ENTREP2: variants seen among roughly 807,000 people sequenced by gnomAD.
ENTREP2 encodes endosomal transmembrane epsin interactor 2.
At chr15:29,165,503 A>C in the ENTREP2 span, among the ~76,000 whole-genome samples, 1 of 152,208 alleles carries the variant, frequency 6.6e-6, no homozygotes, top group African/African-American at 2.4e-5. Context: ...GAGATATTAC[A>C]GTTGACACCA....
chr15:29,379,544 C>A, the ENTREP2 span, among the ~76,000 whole-genome samples: 2 of 152,218 alleles, frequency 1.3e-5, no homozygotes, highest in East Asian at 3.9e-4. Context: ...CCTGCTCCAA[C>A]TATGCGGCAG....
At chr15:29,520,151 C>T in the ENTREP2 span, among the ~76,000 whole-genome samples, 2 of 152,158 alleles carry the variant, frequency 1.3e-5, no homozygotes, top group Non-Finnish European at 2.9e-5. Context: ...CCCCTAACCC[C>T]TGCACTCTTT....
the ENTREP2 span, among the ~76,000 whole-genome samples, chr15:29,408,868 GCTTTT>G: frequency 5.2e-3 from 794 of 152,122 alleles, 10 homozygotes; most frequent in African/African-American, 0.018. Context: ...CTTTTTCTTT[GCTTTT>G]CAAGATAAAT....
chr15:29,388,190 G>A, the ENTREP2 span, among the ~76,000 whole-genome samples: 1 of 152,130 alleles, frequency 6.6e-6, no homozygotes, highest in Non-Finnish European at 1.5e-5. Context: ...GCAACCTACA[G>A]AATGGGAGAA....
chr15:29,330,349 TGAG>T, the ENTREP2 span, among the ~76,000 whole-genome samples: 1 of 151,344 alleles, frequency 6.6e-6, no homozygotes, highest in Non-Finnish European at 1.5e-5. Context: ...CTCAGGAGGC[TGAG>T]GCAGGAGAAC....
chr15:29,549,192 C>T, the ENTREP2 span, among the ~76,000 whole-genome samples: 10 of 152,180 alleles, frequency 6.6e-5, no homozygotes, highest in South Asian at 2.1e-3. Context: ...GTTCTCTGAA[C>T]CTGTCCCTGG....
chr15:29,176,365 G>A, the ENTREP2 span, among the ~76,000 whole-genome samples: 1 of 152,168 alleles, frequency 6.6e-6, no homozygotes, highest in African/African-American at 2.4e-5. Context: ...CTCAGTGTGT[G>A]CAGCTGGGTG....
the ENTREP2 span, among the ~76,000 whole-genome samples, chr15:29,602,748 C>T: frequency 6.6e-6 from 1 of 152,058 alleles, no homozygotes; most frequent in Non-Finnish European, 1.5e-5. Context: ...TTCAGTGTTC[C>T]TGGGAGCTCC....
chr15:29,565,482 G>A, the ENTREP2 span, among the ~76,000 whole-genome samples: 1 of 151,894 alleles, frequency 6.6e-6, no homozygotes, highest in African/African-American at 2.4e-5. Flanking sequence ...CCCAGCAGGA[G>A]AATAACTGAA....
chr15:29,179,489 G>A, the ENTREP2 span, among the ~76,000 whole-genome samples: 11 of 152,212 alleles, frequency 7.2e-5, no homozygotes, highest in African/African-American at 2.7e-4. Flanking sequence ...GGAATTGCCA[G>A]GAGCTAAAGG....
the ENTREP2 span, among the ~76,000 whole-genome samples, chr15:29,382,933 G>C: frequency 6.6e-6 from 1 of 152,114 alleles, no homozygotes; most frequent in African/African-American, 2.4e-5. Flanking sequence ...GACAAAGCTC[G>C]GTCCCCATCA....
the ENTREP2 span, among the ~76,000 whole-genome samples, chr15:29,485,611 G>C: frequency 6.6e-6 from 1 of 152,168 alleles, no homozygotes; most frequent in Non-Finnish European, 1.5e-5. Flanking sequence ...GCTGGGGACA[G>C]GGTTTAAGAA....
the ENTREP2 span, among the ~76,000 whole-genome samples, chr15:29,452,387 C>T: frequency 6.6e-6 from 1 of 152,212 alleles, no homozygotes; most frequent in African/African-American, 2.4e-5. Context: ...CTCGTCAGCT[C>T]CCAGAAGCCT....
chr15:29,205,184 C>G, the ENTREP2 span, among the ~76,000 whole-genome samples: 2 of 152,180 alleles, frequency 1.3e-5, no homozygotes, highest in Non-Finnish European at 2.9e-5. Flanking sequence ...AATGTTCTAT[C>G]AGATGCATCT....
At chr15:29,155,465 T>C in the ENTREP2 span, among the ~76,000 whole-genome samples, 28 of 152,204 alleles carry the variant, frequency 1.8e-4, no homozygotes, top group East Asian at 3.3e-3. Context: ...GCAGTTCTTT[T>C]CCCAGACTCA....
At chr15:29,239,428 G>T in the ENTREP2 span, among the ~76,000 whole-genome samples, 1 of 152,184 alleles carries the variant, frequency 6.6e-6, no homozygotes, top group Non-Finnish European at 1.5e-5. Flanking sequence ...CAAGGAAAAA[G>T]AAGGCAGCAA....
chr15:29,610,321 T>C, the ENTREP2 span: 2 of 150,486 alleles, frequency 1.3e-5, no homozygotes, highest in African/African-American at 4.9e-5. Flanking sequence ...GTCCATTTGG[T>C]CATATGCCAT....
chr15:29,268,307 A>AACC, the ENTREP2 span: 1 of 153,282 alleles, frequency 6.5e-6, no homozygotes, highest in Non-Finnish European at 1.5e-5. Flanking sequence ...TGGAACCATG[A>AACC]ATAATACTTA....
At chr15:29,635,191 T>C in the ENTREP2 span, among the ~76,000 whole-genome samples, 134 of 152,224 alleles carry the variant, frequency 8.8e-4, no homozygotes, top group East Asian at 2.5e-3. Context: ...CCACTGGCCA[T>C]TGGTGATCAA....
Sources: allele counts gnomAD v4.1 joint callset (sites outside exome capture counted in the v4.1 genomes callset), GRCh38; gene constraint gnomAD v4.1.1; transcripts MANE v1.5; gene names NCBI Gene and HGNC (gene_info 2026-07-23, HGNC 2026-07-21).